The following KLHL35 variants were observed in gnomAD, a reference collection of about 807,000 sequenced individuals.
KLHL35 encodes kelch like family member 35.
Under a neutral mutation model 44.0 loss-of-function variants are expected in KLHL35, and 50 were observed. That is an observed-to-expected ratio of 1.14 (90% CI 0.91 to 1.44). The LOEUF (loss-of-function observed/expected upper bound fraction) is 1.44, where lower values mean the gene tolerates loss of function less well. Among genes scored for constraint, KLHL35 ranks in the 40% most tolerant of loss-of-function variants. The probability of loss-of-function intolerance (pLI) is 0.00; values close to 1 mark genes in which losing one functional copy is unlikely to be tolerated. For missense variants in KLHL35, 1,049 were observed against 887.8 expected (o/e 1.18, Z -2.31); for synonymous variants, 470 against 410.4 (o/e 1.15, Z -1.76).
Position 75,430,588 on chromosome 11 carries a change from G to C in KLHL35, c.42C>G (p.Cys14Trp). The change falls in exon 2 of 7, where the codon TGC (cysteine) becomes TGG (tryptophan). Residue 14 changes from cysteine to tryptophan, a missense_variant. Cys to Trp is a radical substitution (Grantham distance 215). Coordinates refer to ENST00000539798, the MANE Select transcript of KLHL35 (RefSeq NM_001039548.3). ...GHAPEESEPG[C>W]EAPCAGPCHA... is the part of the protein sequence containing the mutation. ...GGCACGGACCCGCGCACGGCGCTTC[G>C]CAGCCCGGCTCCGACTCCTCCGGCG... The C allele has an allele frequency of 7.0e-7, 1 of 1,433,240 alleles. No individual in the cohort carries two copies. Among genetic ancestry groups the C allele is most frequent in the South Asian group, 1.4e-5 (1 of 72,030 alleles). 88.8% of individuals were successfully genotyped at this position (1,433,240 alleles called of 1,614,324 possible).
rs1160495931 is a variant in KLHL35 at position 75,425,451 on chromosome 11, C to T, written c.1316G>A (p.Cys439Tyr). 1.5e-5 allele frequency: 24 copies of T among 1,571,640 alleles called. No individual in the cohort carries two copies. The highest frequency in any genetic ancestry group is 2.0e-5 in the Non-Finnish European group (23 of 1,165,062). ...EAVSSAAVAS[C>Y]AGKLFVIGGA... ...CCCAATCACGAAGAGCTTGCCCGCGCAGGACGCCACCGCCGCCGAGCTCAC... is the reference window on the plus strand; with the variant it reads ...CCCAATCACGAAGAGCTTGCCCGCGTAGGACGCCACCGCCGCCGAGCTCAC... The change falls in exon 5 of 7, where the codon TGC (cysteine) becomes TAC (tyrosine). Residue 439 changes from cysteine to tyrosine, a missense_variant. By Grantham distance (194) the Cys-to-Tyr change is radical (BLOSUM62 -2). Transcript: ENST00000539798.
intron 1 of KLHL35, among the ~76,000 whole-genome samples, 35 bp downstream of exon 1, chr11:75,433,008 C>T (rs1307652772): frequency 1.3e-5 from 2 of 152,212 alleles, no homozygotes; most frequent in African/African-American, 4.8e-5. Context: ...GTCAGCCCTG[C>T]AGCCTAAGCC....
intron 2 of KLHL35, 84 bp downstream of exon 2, chr11:75,429,665 A>T: frequency 7.4e-7 from 1 of 1,351,722 alleles, no homozygotes; most frequent in Non-Finnish European, 9.6e-7. Context: ...AAGAGGCAGT[A>T]CTAAAAGATG....
rs757728409 is a variant in KLHL35, at chr11:75,422,688, C to T, written c.1644G>A (p.Lys548=). ...GRDDRGESTD[K]VFTFDPSSGQ... is the part of the protein sequence containing the mutation. ...CACTGCTGGGGTCAAAGGTGAAGAC[C>T]TTATCGGTGCTTTCTCCGCGATCAT... Residue 548 remains lysine (K), a synonymous_variant, in exon 7 of 7, where the codon AAG becomes AAA. Coordinates refer to ENST00000539798, the MANE Select transcript of KLHL35 (RefSeq NM_001039548.3). 1.2e-6 allele frequency: 2 copies of T among 1,614,054 alleles called. No individual in the cohort carries two copies. Among genetic ancestry groups the T allele is most frequent in the South Asian group, 1.1e-5 (1 of 91,088 alleles).
At chr11:75,424,062 C>G in intron 5 of KLHL35, 182 bp from the exon 6 acceptor site, 1 of 592,402 alleles carries the variant, frequency 1.7e-6, no homozygotes, top group Non-Finnish European at 3.0e-6. Flanking sequence ...CCCTCAAGGG[C>G]TCTTCATCTA....
In KLHL35 at chr11:75,429,937, G is replaced by C; in HGVS notation, c.693C>G (p.Arg231=). The part of the protein sequence containing the change: ...MRWVRHDAPA[R]RGQLRRLLEH... ...CCAGCAGGCGTCGCAGCTGGCCGCGGCGGGCCGGCGCGTCGTGGCGCACCC... is the reference window on the plus strand; with the variant it reads ...CCAGCAGGCGTCGCAGCTGGCCGCGCCGGGCCGGCGCGTCGTGGCGCACCC... Residue 231 remains arginine, a synonymous_variant, in exon 2 of 7, where the codon CGC becomes CGG. Transcript: ENST00000539798. 6.9e-7 allele frequency: 1 copy of C among 1,458,034 alleles called. No individual in the cohort carries two copies. The highest frequency in any genetic ancestry group is 9.0e-7 in the Non-Finnish European group (1 of 1,114,718). 90.3% of individuals were successfully genotyped at this position (1,458,034 alleles called of 1,614,324 possible). A position where few individuals can be genotyped will look rare whatever the true frequency, so the allele number is the denominator to read the frequency against.
At position 75,422,650 on chromosome 11, in the gene KLHL35, A is replaced by G. The variant is rs1948458410; in HGVS notation, c.1682T>C (p.Val561Ala). The G allele has an allele frequency of 6.2e-7, 1 of 1,613,742 alleles. No individual in the cohort carries two copies. ...GGTGCAGCGCTGCAGGGATGGCTGG[A>G]CCTCCACCTGCCCACTGCTGGGGTC... ...TFDPSSGQVE[V>A]QPSLQRCTSS... Residue 561 changes from valine to alanine, a missense_variant, in exon 7 of 7, where the codon GTC becomes GCC. Physicochemically the swap from Val to Ala is moderately conservative, Grantham distance 64. Transcript: ENST00000539798.
intron 3 of KLHL35, chr11:75,426,909 TG>T: frequency 3.0e-6 from 1 of 334,132 alleles, no homozygotes; most frequent in South Asian, 3.7e-5. Flanking sequence ...GTGGTGGTGG[TG>T]GTGTGCCAGG....
In KLHL35 at chr11:75,425,495, G is replaced by T. The variant is rs751187741; in HGVS notation, c.1272C>A (p.Ala424=). The T allele has an allele frequency of 1.3e-6, 2 of 1,563,032 alleles. No individual in the cohort carries two copies. The highest frequency in any genetic ancestry group is 1.7e-6 in the Non-Finnish European group (2 of 1,161,710). Residue 424 remains alanine, a synonymous_variant, in exon 5 of 7, where the codon GCC becomes GCA. Coordinates refer to ENST00000539798, the MANE Select transcript of KLHL35 (RefSeq NM_001039548.3). ...YDPFSNTWAA[A]APLPEAVSSA... ...AGCTCACGGCCTCCGGGAGGGGCGC[G>T]GCGGCCGCCCAGGTGTTGGAGAAGG...
At position 75,430,199 on chromosome 11, in the gene KLHL35, C is replaced by T. The variant is rs1191304308; in HGVS notation, c.431G>A (p.Arg144His). 1.6e-6 allele frequency: 2 copies of T among 1,239,166 alleles called. No homozygotes were observed. The highest frequency in any genetic ancestry group is 3.9e-5 in the East Asian group (1 of 25,468). The allele number at this position is 1,239,166 out of a possible 1,614,324, so 76.8% of individuals were successfully genotyped here. The change falls in exon 2 of 7, where the codon CGC becomes CAC. Residue 144 changes from arginine (R) to histidine (H), a missense_variant. Transcript: ENST00000539798. ...GGCGCGCAGGCGGCCCTCGAGAAAG[C>T]GCACGCAGGCCTCGCGCAGGCCCGC... Reference protein sequence around the residue: ...GVAGLREACVRFLEGRLRAAN... With the variant: ...GVAGLREACVHFLEGRLRAAN...
chr11:75,429,545 G>A (rs1948516058), intron 2 of KLHL35, among the ~76,000 whole-genome samples: 1 of 152,262 alleles, frequency 6.6e-6, no homozygotes, highest in Admixed American at 6.5e-5. Context: ...CAAAGAGAGT[G>A]TGCGCAGCTG....
intron 1 of KLHL35, among the ~76,000 whole-genome samples, chr11:75,432,482 A>AGTCTGTGATGCAGTCTGTGAT (rs1190227270): frequency 1.3e-5 from 2 of 152,196 alleles, no homozygotes; most frequent in Non-Finnish European, 2.9e-5. Context: ...CGGTCATCAC[A>AGTCTGTGATGCAGTCTGTGAT]GCACGCTGCA....
intron 1 of KLHL35, among the ~76,000 whole-genome samples, 192 bp from the exon 2 acceptor site, chr11:75,430,822 C>T (rs1048643557): frequency 3.9e-5 from 6 of 152,260 alleles, no homozygotes; most frequent in Admixed American, 3.3e-4. Flanking sequence ...GCCCTGCCTA[C>T]CCACTCAGAC....
rs1948522067 is a variant in KLHL35 at position 75,430,116 on chromosome 11, C to G, written c.514G>C (p.Glu172Gln). The change falls in exon 2 of 7, where the codon GAG (glutamate) becomes CAG (glutamine). Residue 172 changes from glutamate (E) to glutamine (Q), a missense_variant. Coordinates refer to ENST00000539798, the MANE Select transcript of KLHL35 (RefSeq NM_001039548.3). ...AAAFSLAPLA[E>Q]RCGRVLRQAF... ...TGACGCAGGACGCGGCCGCAGCGCT[C>G]GGCCAGCGGGGCCAGCGAGAAGGCG... The G allele has an allele frequency of 3.1e-6, 4 of 1,280,060 alleles. No individual in the cohort carries two copies. Among genetic ancestry groups the G allele is most frequent in the South Asian group, 4.9e-5 (2 of 41,186 alleles). 79.3% of individuals were successfully genotyped at this position (1,280,060 alleles called of 1,614,324 possible).
At chr11:75,432,749 A>G (rs525084) in intron 1 of KLHL35, among the ~76,000 whole-genome samples, 111,719 of 151,982 alleles carry the variant, frequency 0.74, 42,014 homozygotes, top group African/African-American at 0.89. Flanking sequence ...TCTGGGGGTC[A>G]AACGACACCC....
In KLHL35 at chr11:75,425,412, C is replaced by T. The variant is rs1387170702; in HGVS notation, c.1355G>A (p.Gly452Asp). 11 of 1,559,618 alleles carry T rather than the reference C, an allele frequency of 7.1e-6. No individual in the cohort carries two copies. The highest frequency in any genetic ancestry group is 9.5e-6 in the Non-Finnish European group (11 of 1,159,998). Residue 452 changes from glycine (G) to aspartate (D), a missense_variant, in exon 5 of 7, where the codon GGC becomes GAC. Coordinates refer to ENST00000539798, the MANE Select transcript of KLHL35 (RefSeq NM_001039548.3). ...KLFVIGGARQ[G>D]GVNTDKVQCF... Reference sequence around the variant, plus strand: ...GCCCACCTTGTCCGTGTTGACGCCGCCCTGCCTGGCGCCCCCAATCACGAA... The same window carrying T: ...GCCCACCTTGTCCGTGTTGACGCCGTCCTGCCTGGCGCCCCCAATCACGAA...
Position 75,429,759 on chromosome 11 carries a change from G to T in KLHL35, c.871C>A (p.Arg291=). 1 of 1,471,356 alleles carries T rather than the reference G, an allele frequency of 6.8e-7. No individual in the cohort carries two copies. The highest frequency in any genetic ancestry group is 8.9e-7 in the Non-Finnish European group (1 of 1,117,518). The allele number at this position is 1,471,356 out of a possible 1,614,324, so 91.1% of individuals were successfully genotyped here. Residue 291 remains arginine (R), a synonymous_variant, in exon 2 of 7, where the codon CGG becomes AGG. Transcript: ENST00000539798. Reference sequence around the variant, plus strand: ...GGATGGCGGCCCTACCTCCGCGGCCGGGTCCGCAGCGCACCGGCCTCGCGG... The same window carrying T: ...GGATGGCGGCCCTACCTCCGCGGCCTGGTCCGCAGCGCACCGGCCTCGCGG... The part of the protein sequence containing the change: ...LGREAGALRT[R]PRRFMDLAEV...
At chr11:75,423,976 A>G in intron 5 of KLHL35, 96 bp from the exon 6 acceptor site, 1 of 953,428 alleles carries the variant, frequency 1.0e-6, no homozygotes, top group Non-Finnish European at 1.5e-6. Flanking sequence ...GGGGGCACTC[A>G]TTCAAAACGA....
At chr11:75,427,050 T>G (rs114798069) in intron 3 of KLHL35, among the ~76,000 whole-genome samples, 2,946 of 152,254 alleles carry the variant, frequency 0.019, 111 homozygotes, top group African/African-American at 0.067. Flanking sequence ...GGAGCCAGGA[T>G]AGGTAGAGGG....
Sources: allele counts gnomAD v4.1 joint callset (sites outside exome capture counted in the v4.1 genomes callset), GRCh38; gene constraint gnomAD v4.1.1; transcripts MANE v1.5; gene names NCBI Gene and HGNC (gene_info 2026-07-23, HGNC 2026-07-21).